The following TRIM36 variants were observed in gnomAD, a reference collection of about 807,000 sequenced individuals.
The protein encoded by TRIM36 is E3 ubiquitin-protein ligase TRIM36.
A neutral mutation model predicts 72.4 loss-of-function variants in TRIM36; 42 were observed. The observed-to-expected ratio is 0.58, with a 90% CI of 0.45 to 0.75. The LOEUF (loss-of-function observed/expected upper bound fraction) is 0.75. Among genes scored for constraint, TRIM36 ranks in the 30% least tolerant of loss-of-function variants. The pLI, the probability that TRIM36 is intolerant of heterozygous loss-of-function variation, is 0.00. For synonymous variants in TRIM36, 315 were observed against 282.8 expected (o/e 1.11, Z -1.14); for missense variants, 913 against 857.1 (o/e 1.07, Z -0.81).
In TRIM36 at chr5:115,139,742, A is replaced by G. The variant is rs543151147; in HGVS notation, c.831+1537T>C. Among the ~76,000 whole-genome samples, 6 of 152,352 alleles carry G rather than the reference A, an allele frequency of 3.9e-5. No homozygotes were observed. The South Asian group carries it at 1.0e-3, about 26-fold the overall frequency. On this transcript the variant is annotated intron_variant, in intron 5 of 9. Transcript: ENST00000513154. ...TGGAGGCAAGTTATCTAGCGTAAAA[A>G]AAATTCTTATTGATAAGGCTACAGA...
intron 2 of TRIM36, chr5:115,148,373 A>G: frequency 7.1e-6 from 7 of 980,896 alleles, no homozygotes; most frequent in Non-Finnish European, 8.5e-6. Flanking sequence ...TCCATTTACG[A>G]CAGGTGCATG....
chr5:115,138,801 G>A (rs1332313366), intron 5 of TRIM36, among the ~76,000 whole-genome samples: 1 of 151,728 alleles, frequency 6.6e-6, no homozygotes, highest in African/African-American at 2.4e-5. Context: ...GCAGCCAACA[G>A]AAAAAAAGTC....
intron 1 of TRIM36, among the ~76,000 whole-genome samples, chr5:115,167,703 T>A (rs1754864535): frequency 6.6e-6 from 1 of 152,248 alleles, no homozygotes; most frequent in Admixed American, 6.5e-5. Flanking sequence ...TCCCACATCT[T>A]CCTGTCTTCT....
At chr5:115,157,336 G>A (rs1416914621) in intron 2 of TRIM36, among the ~76,000 whole-genome samples, 2 of 152,256 alleles carry the variant, frequency 1.3e-5, no homozygotes, top group South Asian at 2.1e-4. Context: ...GCTGGGGTGG[G>A]TGGATCACCT....
intron 9 of TRIM36, among the ~76,000 whole-genome samples, chr5:115,130,063 A>C (rs1484152444): frequency 6.6e-6 from 1 of 152,206 alleles, no homozygotes; most frequent in African/African-American, 2.4e-5. Flanking sequence ...ATGAGTGGTC[A>C]AAAATTATTT....
At chr5:115,151,121 G>T (rs997287593) in intron 2 of TRIM36, among the ~76,000 whole-genome samples, 12 of 152,206 alleles carry the variant, frequency 7.9e-5, no homozygotes, top group African/African-American at 2.7e-4. Context: ...CTGGGAGGCG[G>T]GTAGACTGGG....
chr5:115,126,857 T>A lies in TRIM36; in HGVS notation c.1797A>T (p.Arg599Ser), dbSNP rs1372462401. The change falls in exon 10 of 10, where the codon AGA (arginine) becomes AGT (serine). Residue 599 changes from arginine to serine, a missense_variant and splice_region_variant. By Grantham distance (110) the Arg-to-Ser change is moderately radical. Transcript: ENST00000513154. ...LRSPRDAVSP[R>S]YEQDSGHDSG... The stretch of plus-strand genomic sequence containing the variant: ...TGTCATGCCCACTGTCTTGCTCATA[T>A]CTGAAACATAATACAAAGCATCTGT... 1.9e-6 allele frequency: 3 copies of A among 1,603,964 alleles called. No homozygotes were observed. Among genetic ancestry groups the A allele is most frequent in the Non-Finnish European group, 2.6e-6 (3 of 1,175,366 alleles).
chr5:115,128,287 T>C (rs1176079083), intron 9 of TRIM36, among the ~76,000 whole-genome samples: 1 of 150,994 alleles, frequency 6.6e-6, no homozygotes, highest in African/African-American at 2.4e-5. Context: ...GAGAATTGCT[T>C]GAACCCAGGA....
At chr5:115,145,973 A>G (rs1457351935) in intron 3 of TRIM36, among the ~76,000 whole-genome samples, 10 of 152,238 alleles carry the variant, frequency 6.6e-5, no homozygotes, top group African/African-American at 2.2e-4. Context: ...TATATTGAGT[A>G]GCACTAACTA....
At chr5:115,159,352 TATC>T (rs1754353347) in intron 2 of TRIM36, among the ~76,000 whole-genome samples, 3 of 152,246 alleles carry the variant, frequency 2.0e-5, no homozygotes, top group Admixed American at 1.3e-4. Flanking sequence ...TGTTTTAAGA[TATC>T]ATATACAAAA....
In TRIM36 at chr5:115,137,281, A is replaced by T. The variant is rs541041880; in HGVS notation, c.1085+82T>A. The stretch of plus-strand genomic sequence containing the variant: ...TCACATTAACACAGCATTATGGACC[A>T]ATCAGAGCTAAAGTGAGAATACACA... On this transcript the variant is annotated intron_variant, in intron 6 of 9. Transcript: ENST00000513154. The T allele has an allele frequency of 5.3e-6, 8 of 1,521,080 alleles. No individual in the cohort carries two copies. The African/African-American group carries it at 9.7e-5, about 18-fold the overall frequency. 94.2% of individuals were successfully genotyped at this position (1,521,080 alleles called of 1,614,324 possible).
At chr5:115,148,247 A>G (rs756264345) in intron 2 of TRIM36, 19 of 775,452 alleles carry the variant, frequency 2.5e-5, no homozygotes, top group Admixed American at 6.3e-5. Context: ...CAACATATAT[A>G]AAACAATGAA....
At chr5:115,129,152 A>C (rs1379389284) in intron 9 of TRIM36, among the ~76,000 whole-genome samples, 2 of 152,186 alleles carry the variant, frequency 1.3e-5, no homozygotes, top group Non-Finnish European at 2.9e-5. Context: ...AGGGTGTAGG[A>C]GACTATTCCA....
At chr5:115,161,862 T>C (rs912913555) in intron 2 of TRIM36, among the ~76,000 whole-genome samples, 24 of 152,354 alleles carry the variant, frequency 1.6e-4, no homozygotes, top group African/African-American at 5.3e-4. Flanking sequence ...GAGAGTCCTA[T>C]ATTTATTATG....
intron 1 of TRIM36, among the ~76,000 whole-genome samples, chr5:115,164,771 A>C (rs1375903748): frequency 6.6e-6 from 1 of 152,206 alleles, no homozygotes; most frequent in Non-Finnish European, 1.5e-5. Context: ...AGTCCCCCAA[A>C]GTCTTAACTC....
intron 8 of TRIM36, 76 bp downstream of exon 8, chr5:115,133,784 G>T: frequency 7.0e-7 from 1 of 1,432,574 alleles, no homozygotes; most frequent in Non-Finnish European, 9.4e-7. Flanking sequence ...TCTACATGGA[G>T]ATACTGACTA....
chr5:115,149,719 C>T (rs1204850529), intron 2 of TRIM36: 1 of 148,806 alleles, frequency 6.7e-6, no homozygotes, highest in South Asian at 2.1e-4. Flanking sequence ...TTTCACAACT[C>T]GTCCAAATAG....
At chr5:115,134,251 T>G in intron 7 of TRIM36, 104 bp from the exon 8 acceptor site, 2 of 983,040 alleles carry the variant, frequency 2.0e-6, no homozygotes, top group Non-Finnish European at 2.7e-6. Context: ...ATGATTTCTA[T>G]ACTAATACTT....
At position 115,125,288 on chromosome 5, in the gene TRIM36, T is replaced by G. The variant is rs1752320276; in HGVS notation, c.*1215A>C. 1 of 152,140 alleles carries G rather than the reference T, an allele frequency of 6.6e-6. No individual in the cohort carries two copies. The highest frequency in any genetic ancestry group is 2.4e-5 in the African/African-American group (1 of 41,456). 9.4% of individuals were successfully genotyped at this position (152,140 alleles called of 1,614,324 possible). A position where few individuals can be genotyped will look rare whatever the true frequency, so the allele number is the denominator to read the frequency against. On this transcript the variant is annotated 3_prime_UTR_variant, in exon 10 of 10. Coordinates refer to ENST00000513154, the MANE Select transcript of TRIM36 (RefSeq NM_001300759.2). The stretch of plus-strand genomic sequence containing the variant: ...AGTACTTTAAATAAAAACCACCTAC[T>G]TGAAAGCAACACCTTTCAAAAACAG...
Sources: allele counts gnomAD v4.1 joint callset (sites outside exome capture counted in the v4.1 genomes callset), GRCh38; gene constraint gnomAD v4.1.1; transcripts MANE v1.5; gene names NCBI Gene and HGNC (gene_info 2026-07-23, HGNC 2026-07-21).